The following MACROD2 variants were observed in gnomAD, a reference collection of about 807,000 sequenced individuals.
MACROD2 encodes ADP-ribose glycohydrolase MACROD2.
MACROD2 carries 36 observed loss-of-function variants against 70.4 expected under a neutral mutation model. The observed-to-expected ratio is 0.51, with a 90% CI of 0.39 to 0.68. The LOEUF (loss-of-function observed/expected upper bound fraction) is 0.68. MACROD2 is among the 30% of genes least tolerant of loss of function. The pLI, the probability that MACROD2 is intolerant of heterozygous loss-of-function variation, is 0.00. For missense variants in MACROD2, 496 were observed against 538.4 expected (o/e 0.92, Z 0.78); for synonymous variants, 172 against 178.8 (o/e 0.96, Z 0.30).
At chr20:14,986,284 C>A (rs1423500182) in intron 5 of MACROD2, among the ~76,000 whole-genome samples, 1 of 151,988 alleles carries the variant, frequency 6.6e-6, no homozygotes, top group African/African-American at 2.4e-5. Flanking sequence ...TTCCTGTTTC[C>A]TCAGGCATTT....
At chr20:16,039,647 G>T (rs977817321) in intron 15 of MACROD2, among the ~76,000 whole-genome samples, 8 of 151,950 alleles carry the variant, frequency 5.3e-5, no homozygotes, top group East Asian at 1.9e-4. Context: ...GCTTAGGGGA[G>T]TTCACAAATG....
intron 3 of MACROD2, among the ~76,000 whole-genome samples, chr20:14,420,723 C>T (rs1396151518): frequency 6.6e-6 from 1 of 152,098 alleles, no homozygotes; most frequent in East Asian, 1.9e-4. Context: ...CCAGGTCTCT[C>T]ATTCTGTCAC....
At position 15,286,309 on chromosome 20, in the gene MACROD2, G is replaced by T. The variant is rs752485860; in HGVS notation, c.540+56248G>T. ...ATAGAATGAAATTACCATGAAATTA[G>T]TTTATAAATATGGTTTGACCCTAAA... On this transcript the variant is annotated intron_variant, in intron 6 of 17. Coordinates refer to ENST00000684519, the MANE Select transcript of MACROD2 (RefSeq NM_001351661.2). 4.6e-5 allele frequency among the ~76,000 whole-genome samples: 7 copies of T among 152,270 alleles called. No individual in the cohort carries two copies. In the East Asian group the frequency reaches 1.3e-3, roughly 29 times the overall value.
chr20:15,183,443 T>C (rs2076513922), intron 5 of MACROD2, among the ~76,000 whole-genome samples: 1 of 151,974 alleles, frequency 6.6e-6, no homozygotes, highest in Non-Finnish European at 1.5e-5. Flanking sequence ...GGAGGATTGC[T>C]TGATCCCAGG....
intron 8 of MACROD2, among the ~76,000 whole-genome samples, chr20:15,592,854 C>G (rs2048696807): frequency 6.6e-6 from 1 of 152,098 alleles, no homozygotes; most frequent in Admixed American, 6.5e-5. Flanking sequence ...GTTCATTTTT[C>G]AAAGCTTTCT....
intron 8 of MACROD2, among the ~76,000 whole-genome samples, chr20:15,689,377 T>C (rs1286781024): frequency 6.6e-6 from 1 of 151,410 alleles, no homozygotes; most frequent in African/African-American, 2.4e-5. Context: ...ACACAATAAA[T>C]CTGGACAAAC....
chr20:14,263,947 G>C (rs1214011252), intron 3 of MACROD2, among the ~76,000 whole-genome samples: 2 of 145,126 alleles, frequency 1.4e-5, no homozygotes, highest in East Asian at 4.1e-4. Context: ...ACTCCAGCCT[G>C]GGTGACAGAG....
At chr20:14,059,971 C>T (rs1039360484) in intron 2 of MACROD2, among the ~76,000 whole-genome samples, 16 of 152,122 alleles carry the variant, frequency 1.1e-4, no homozygotes, top group East Asian at 3.9e-4. Flanking sequence ...TTTAGGGTAG[C>T]GTTTTAGTTG....
At chr20:15,590,975 G>GA (rs1435096763) in intron 8 of MACROD2, among the ~76,000 whole-genome samples, 1 of 151,080 alleles carries the variant, frequency 6.6e-6, no homozygotes, top group Non-Finnish European at 1.5e-5. Flanking sequence ...AAGAAAGAAA[G>GA]AAAGAAAAGA....
intron 8 of MACROD2, among the ~76,000 whole-genome samples, chr20:15,670,141 A>G (rs992657920): frequency 2.6e-5 from 4 of 152,184 alleles, no homozygotes; most frequent in African/African-American, 9.7e-5. Flanking sequence ...TCTTGCAGAG[A>G]AAATGGGAAG....
At chr20:15,457,824 A>G (rs1326024637) in intron 7 of MACROD2, among the ~76,000 whole-genome samples, 9 of 151,956 alleles carry the variant, frequency 5.9e-5, no homozygotes, top group African/African-American at 1.2e-4. Flanking sequence ...AGTTGCTTAG[A>G]CTGGGACTTG....
chr20:14,079,837 G>A (rs538365330), intron 2 of MACROD2, among the ~76,000 whole-genome samples: 1 of 152,268 alleles, frequency 6.6e-6, no homozygotes, highest in East Asian at 1.9e-4. Context: ...GGCTTATTGG[G>A]CAGGGGTTCC....
At chr20:15,881,459 G>T (rs1440425175) in intron 9 of MACROD2, among the ~76,000 whole-genome samples, 1 of 152,064 alleles carries the variant, frequency 6.6e-6, no homozygotes, top group Non-Finnish European at 1.5e-5. Context: ...CGGGCCACAG[G>T]ACCAGTTGAG....
chr20:15,504,655 G>T (rs2047403773), intron 8 of MACROD2, among the ~76,000 whole-genome samples: 1 of 152,074 alleles, frequency 6.6e-6, no homozygotes, highest in Non-Finnish European at 1.5e-5. Flanking sequence ...TTACCCACTG[G>T]CATTTTCAGC....
chr20:15,412,100 A>G (rs1329992300), intron 6 of MACROD2, among the ~76,000 whole-genome samples: 1 of 152,152 alleles, frequency 6.6e-6, no homozygotes, highest in Non-Finnish European at 1.5e-5. Context: ...CAGTTGCTAA[A>G]TGGATCAAAA....
chr20:15,636,786 C>A (rs912226860), intron 8 of MACROD2, among the ~76,000 whole-genome samples: 1 of 151,944 alleles, frequency 6.6e-6, no homozygotes, highest in Non-Finnish European at 1.5e-5. Context: ...CTATGATGCA[C>A]AAGTGAGAGA....
At chr20:16,017,118 C>A (rs1173023973) in intron 15 of MACROD2, among the ~76,000 whole-genome samples, 2 of 152,156 alleles carry the variant, frequency 1.3e-5, no homozygotes, top group African/African-American at 4.8e-5. Flanking sequence ...CAATCTTGAA[C>A]CACTGCCCTC....
At position 14,078,074 on chromosome 20, in the gene MACROD2, G is replaced by A. The variant is rs150617099; in HGVS notation, c.164-7547G>A. On this transcript the variant is annotated intron_variant, in intron 2 of 17. Coordinates refer to ENST00000684519, the MANE Select transcript of MACROD2 (RefSeq NM_001351661.2). ...TGTGCCACCACGCCTGGCTAATTTTGTATTTTTAGTATAGACGGGGTTTCT... is the reference window on the plus strand; with the variant it reads ...TGTGCCACCACGCCTGGCTAATTTTATATTTTTAGTATAGACGGGGTTTCT... 2.5e-3 allele frequency among the ~76,000 whole-genome samples: 375 copies of A among 151,710 alleles called. 1 individual carries two copies. Among genetic ancestry groups the A allele is most frequent in the African/African-American group, 8.8e-3 (365 of 41,378 alleles).
intron 13 of MACROD2, among the ~76,000 whole-genome samples, chr20:15,967,933 G>A (rs1353477202): frequency 1.3e-5 from 2 of 152,106 alleles, no homozygotes; most frequent in Non-Finnish European, 2.9e-5. Context: ...TTATAACAAT[G>A]AGAATAAATA....
Sources: allele counts gnomAD v4.1 joint callset (sites outside exome capture counted in the v4.1 genomes callset), GRCh38; gene constraint gnomAD v4.1.1; transcripts MANE v1.5; gene names NCBI Gene and HGNC (gene_info 2026-07-23, HGNC 2026-07-21).